TTLL2: variants seen among roughly 807,000 people sequenced by gnomAD.
TTLL2 encodes the protein tubulin tyrosine ligase like 2, also known as probable tubulin polyglutamylase TTLL2.
TTLL2 carries 10 observed loss-of-function variants against 7.5 expected under a neutral mutation model. The observed-to-expected ratio is 1.33, with a 90% confidence interval of 0.82 to 2.25. TTLL2 has a LOEUF of 2.25. TTLL2 is among the 30% of genes most tolerant of loss of function. The probability of loss-of-function intolerance (pLI) is 0.00; values close to 1 mark genes in which losing one functional copy is unlikely to be tolerated. For missense variants in TTLL2, 733 were observed against 735.7 expected (o/e 1.00, Z 0.04); for synonymous variants, 284 against 280.3 (o/e 1.01, Z -0.13).
rs1779069694 is a variant in TTLL2, at chr6:167,340,582, T to C, written c.682T>C (p.Phe228Leu). The change falls in exon 3 of 3, where the codon TTT becomes CTT. Residue 228 changes from phenylalanine to leucine, a missense_variant. By Grantham distance (22) the Phe-to-Leu change is conservative. Coordinates refer to ENST00000239587, the MANE Select transcript of TTLL2 (RefSeq NM_031949.5). ...GAGGGGGATACTAATTTTCAGTGAC[T>C]TTAAAGACTTCATCTTTGATGATAT... The part of the protein sequence containing the change: ...RGRGILIFSD[F>L]KDFIFDDMYI... The C allele has an allele frequency of 4.3e-6, 7 of 1,614,240 alleles. No homozygotes were observed. In the East Asian group the frequency reaches 1.1e-4, roughly 26 times the overall value.
In TTLL2 at chr6:167,341,627, T is replaced by C; in HGVS notation, c.1727T>C (p.Val576Ala). The C allele has an allele frequency of 6.2e-7, 1 of 1,613,930 alleles. No homozygotes were observed. The highest frequency in any genetic ancestry group is 8.5e-7 in the Non-Finnish European group (1 of 1,179,972). ...TLGASRNGLNVKRIIQELQKL... is the reference protein window; with the variant it reads ...TLGASRNGLNAKRIIQELQKL... ...GGAGCTTCCAGGAATGGATTAAATG[T>C]CAAAAGAATAATCCAAGAGCTCCAG... Residue 576 changes from valine to alanine, a missense_variant, in exon 3 of 3, where the codon GTC becomes GCC. Transcript: ENST00000239587.
intron 1 of TTLL2, among the ~76,000 whole-genome samples, chr6:167,334,621 G>T (rs1778963428): frequency 7.0e-6 from 1 of 143,034 alleles, no homozygotes; most frequent in Non-Finnish European, 1.5e-5. Flanking sequence ...CCAAAACAGA[G>T]ATATAGATCA....
intron 1 of TTLL2, among the ~76,000 whole-genome samples, chr6:167,327,719 A>G (rs1353761157): frequency 3.9e-5 from 6 of 152,190 alleles, no homozygotes; most frequent in Non-Finnish European, 5.9e-5. Context: ...ACGGAAACAT[A>G]CAGGTTATGT....
chr6:167,339,999 G>T lies in TTLL2; in HGVS notation c.205-106G>T, dbSNP rs535841286. ...GGTGAGACTGCACAGTGGGAGGGTG[G>T]ACACACAGGACAGCTGGCAGCACCG... On this transcript the variant is annotated intron_variant, in intron 2 of 2. Coordinates refer to ENST00000239587, the MANE Select transcript of TTLL2 (RefSeq NM_031949.5). 4 of 1,263,458 alleles carry T rather than the reference G, an allele frequency of 3.2e-6. No individual in the cohort carries two copies. In the South Asian group the frequency reaches 4.4e-5, roughly 14 times the overall value. The allele number at this position is 1,263,458 out of a possible 1,614,324, so 78.3% of individuals were successfully genotyped here. A position where few individuals can be genotyped will look rare whatever the true frequency, so the allele number is the denominator to read the frequency against.
intron 1 of TTLL2, among the ~76,000 whole-genome samples, chr6:167,330,359 A>T (rs1455751597): frequency 2.6e-5 from 4 of 152,088 alleles, no homozygotes; most frequent in Non-Finnish European, 5.9e-5. Flanking sequence ...GGGGTTTGAG[A>T]CCAGCCTGAC....
At position 167,342,549 on chromosome 6, in the gene TTLL2, G is replaced by A. The variant is rs1248819059; in HGVS notation, c.*870G>A. On this transcript the variant is annotated 3_prime_UTR_variant, in exon 3 of 3. Transcript: ENST00000239587. ...TGAGGAGTGCCTACTGATGGGTAGG[G>A]GGCTTCCCTTTGGGGTGACAGAAAT... Among the ~76,000 whole-genome samples the A allele has an allele frequency of 1.3e-5, 2 of 152,188 alleles. No homozygotes were observed. Among genetic ancestry groups the A allele is most frequent in the African/African-American group, 2.4e-5 (1 of 41,412 alleles).
chr6:167,331,399 C>T (rs1778918757), intron 1 of TTLL2, among the ~76,000 whole-genome samples: 1 of 152,236 alleles, frequency 6.6e-6, no homozygotes, highest in East Asian at 1.9e-4. Context: ...AAATGTCTCC[C>T]TATGTCCCCT....
At chr6:167,327,572 G>T (rs146648206) in intron 1 of TTLL2, among the ~76,000 whole-genome samples, 1 of 152,304 alleles carries the variant, frequency 6.6e-6, no homozygotes, top group Non-Finnish European at 1.5e-5. Flanking sequence ...GTGCTAAGCC[G>T]TGTGGAACAA....
rs1484133441 is a variant in TTLL2, at chr6:167,328,056, C to T, written c.47+2836C>T. On this transcript the variant is annotated intron_variant, in intron 1 of 2. Coordinates refer to ENST00000239587, the MANE Select transcript of TTLL2 (RefSeq NM_031949.5). ...TGAATCACATGGTTTAACCCTTCAG[C>T]TGGATCCCGGTCAAATGGAAAGTTG... The T allele has an allele frequency of 6.6e-6, 3 of 456,136 alleles. No homozygotes were observed. The Admixed American group carries it at 7.0e-5, about 11-fold the overall frequency. The allele number at this position is 456,136 out of a possible 1,614,324, so 28.3% of individuals were successfully genotyped here. A position where few individuals can be genotyped will look rare whatever the true frequency, so the allele number is the denominator to read the frequency against.
chr6:167,335,443 C>G (rs1319416322), intron 1 of TTLL2, among the ~76,000 whole-genome samples: 1 of 147,730 alleles, frequency 6.8e-6, no homozygotes, highest in Non-Finnish European at 1.5e-5. Flanking sequence ...ACTAGAAATA[C>G]CATTTGACCC....
intron 2 of TTLL2, 69 bp downstream of exon 2, chr6:167,338,872 C>CTTCTT (rs878887716): frequency 2.6e-5 from 32 of 1,216,872 alleles, no homozygotes; most frequent in Admixed American, 8.7e-5. Context: ...TCCTTCTTTC[C>CTTCTT]TCCTTCTTTT....
In TTLL2 at chr6:167,325,261, C is replaced by T. The variant is rs369605073; in HGVS notation, c.47+41C>T. The T allele has an allele frequency of 8.1e-5, 121 of 1,495,516 alleles. No homozygotes were observed. The African/African-American group carries it at 1.3e-3, about 16-fold the overall frequency. 92.6% of individuals were successfully genotyped at this position (1,495,516 alleles called of 1,614,324 possible). On this transcript the variant is annotated intron_variant, in intron 1 of 2. Coordinates refer to ENST00000239587, the MANE Select transcript of TTLL2 (RefSeq NM_031949.5). ...GACACGTAGGATGGGAGGGTGGCCCCGATCATGCCTCTGTTCCAGGACCAG... is the reference window on the plus strand; with the variant it reads ...GACACGTAGGATGGGAGGGTGGCCCTGATCATGCCTCTGTTCCAGGACCAG...
rs537455974 is a variant in TTLL2 at position 167,325,800 on chromosome 6, G to C, written c.47+580G>C. Among the ~76,000 whole-genome samples, 3 of 151,652 alleles carry C rather than the reference G, an allele frequency of 2.0e-5. 1 individual carries two copies. The highest frequency in any genetic ancestry group is 7.3e-5 in the African/African-American group (3 of 40,966). On this transcript the variant is annotated intron_variant, in intron 1 of 2. Transcript: ENST00000239587. ...AAGGAAGGGCTTCAAGGAGGAGTGG[G>C]CATTCATGCTGGGCTTCCTGGGAGA... is the stretch of plus-strand genomic sequence containing the variant.
rs774543863 is a variant in TTLL2, at chr6:167,340,991, C to T, written c.1091C>T (p.Ala364Val). Residue 364 changes from alanine (A) to valine (V), a missense_variant, in exon 3 of 3, where the codon GCC becomes GTC. By Grantham distance (64) the Ala-to-Val change is moderately conservative. Transcript: ENST00000239587. ...ATTGCACCATCTGTCCCCTTTGCTG[C>T]CAATTGCTTTGAGCTCTTTGGGTTT... The part of the protein sequence containing the change: ...LAIAPSVPFA[A>V]NCFELFGFDI... 3 of 1,613,918 alleles carry T rather than the reference C, an allele frequency of 1.9e-6. No individual in the cohort carries two copies. The African/African-American group carries it at 4.0e-5, about 22-fold the overall frequency.
At position 167,340,782 on chromosome 6, in the gene TTLL2, T is replaced by C; in HGVS notation, c.882T>C (p.Tyr294=). 1.9e-6 allele frequency: 3 copies of C among 1,614,204 alleles called. No homozygotes were observed. The highest frequency in any genetic ancestry group is 2.2e-5 in the East Asian group (1 of 44,888). The change falls in exon 3 of 3, where the codon TAT becomes TAC. Residue 294 remains tyrosine, a synonymous_variant. Coordinates refer to ENST00000239587, the MANE Select transcript of TTLL2 (RefSeq NM_031949.5). The part of the protein sequence containing the change: ...KFDLSNLQNN[Y]AHLTNSSINK... ...ACCTCAGTAATTTGCAAAACAATTA[T>C]GCCCATTTGACCAACAGCAGCATCA...
intron 1 of TTLL2, 65 bp from the exon 2 acceptor site, chr6:167,338,582 C>A: frequency 6.5e-7 from 1 of 1,541,454 alleles, no homozygotes; most frequent in Non-Finnish European, 8.8e-7. Context: ...CTGTATGTTC[C>A]TTATTAAAGC....
chr6:167,338,561 A>C, intron 1 of TTLL2, 86 bp from the exon 2 acceptor site: 6 of 1,455,060 alleles, frequency 4.1e-6, no homozygotes, highest in South Asian at 1.5e-5. Flanking sequence ...ACCATGATGG[A>C]TTGATCAATT....
At chr6:167,326,891 T>C (rs1426338437) in intron 1 of TTLL2, among the ~76,000 whole-genome samples, 1 of 152,108 alleles carries the variant, frequency 6.6e-6, no homozygotes, top group East Asian at 1.9e-4. Context: ...GTCTCAATCA[T>C]TTAAGAAGTT....
intron 1 of TTLL2, among the ~76,000 whole-genome samples, chr6:167,329,653 C>A (rs60964692): frequency 0.085 from 12,996 of 152,208 alleles, 1,483 homozygotes; most frequent in African/African-American, 0.25. Flanking sequence ...GGTAAACCTA[C>A]TTTATTCTTC....
Sources: gnomAD v4.1 joint callset for allele counts (sites outside exome capture counted in the v4.1 genomes callset) on GRCh38, gnomAD v4.1.1 for gene constraint, MANE v1.5 for transcripts, NCBI Gene and HGNC (gene_info 2026-07-23, HGNC 2026-07-21) for gene names.